Variants in KCNQ1 observed in about 807,000 individuals in gnomAD.
KCNQ1 encodes the protein potassium voltage-gated channel subfamily Q member 1.
In KCNQ1, 49 loss-of-function variants were observed where a neutral mutation model predicts 72.4. The ratio of observed to expected loss-of-function variants is 0.68; its 90% CI spans 0.54 to 0.86. KCNQ1 has a LOEUF of 0.86. KCNQ1 is among the 40% of genes least tolerant of loss of function. The pLI is 0.00. For missense variants in KCNQ1, 790 were observed against 945.1 expected (o/e 0.84, Z 2.15); for synonymous variants, 450 against 412.6 (o/e 1.09, Z -1.10).
rs1486305294 is a variant in KCNQ1 at position 2,497,946 on chromosome 11, G to A, written c.387-29982G>A. Reference sequence around the variant, plus strand: ...AAGCCTGCAGTCCTGCAGGTCTGCTGCAGTTTGCTGGAGGTCCACTCCAGA... The same window carrying A: ...AAGCCTGCAGTCCTGCAGGTCTGCTACAGTTTGCTGGAGGTCCACTCCAGA... On this transcript the variant is annotated intron_variant, in intron 1 of 15. Coordinates refer to ENST00000155840, the MANE Select transcript of KCNQ1 (RefSeq NM_000218.3). This position sits in a 1 kb window ranked among gnomAD's most constrained non-coding sequence, Gnocchi z 4.5. Among the ~76,000 whole-genome samples the A allele has an allele frequency of 6.6e-6, 1 of 152,170 alleles. No individual in the cohort carries two copies. Among genetic ancestry groups the A allele is most frequent in the African/African-American group, 2.4e-5 (1 of 41,444 alleles).
chr11:2,661,256 T>C lies in KCNQ1; in HGVS notation c.1394-705T>C. 2.5e-6 allele frequency: 1 copy of C among 399,142 alleles called. No individual in the cohort carries two copies. The highest frequency in any genetic ancestry group is 4.4e-6 in the Non-Finnish European group (1 of 226,530). The allele number at this position is 399,142 out of a possible 1,614,324, so 24.7% of individuals were successfully genotyped here. Reference sequence around the variant, plus strand: ...CTTAATCCTTTTGCAATAAAATATTTAAATGAAGACAAATATAAGCCAAGA... The same window carrying C: ...CTTAATCCTTTTGCAATAAAATATTCAAATGAAGACAAATATAAGCCAAGA... On this transcript the variant is annotated intron_variant, in intron 10 of 15. Transcript: ENST00000155840. This position sits in a 1 kb window ranked among gnomAD's most constrained non-coding sequence, Gnocchi z 5.9.
chr11:2,572,713 C>A, intron 5 of KCNQ1, 133 bp from the exon 6 acceptor site: 1 of 1,167,080 alleles, frequency 8.6e-7, no homozygotes, highest in Non-Finnish European at 1.2e-6. Flanking sequence ...TGAAGCCGGC[C>A]CTGTGCATGT....
In KCNQ1 at chr11:2,661,485, G is replaced by T; in HGVS notation, c.1394-476G>T. On this transcript the variant is annotated intron_variant, in intron 10 of 15. Transcript: ENST00000155840. This position sits in a 1 kb window ranked among gnomAD's most constrained non-coding sequence, Gnocchi z 5.9. ...GTTCTGTGGCTGCCCCCACCTCCCA[G>T]GCTTGCCATTCCTCATGGGTCAGAG... 4.6e-6 allele frequency: 2 copies of T among 437,334 alleles called. No homozygotes were observed. Among genetic ancestry groups the T allele is most frequent in the Non-Finnish European group, 8.0e-6 (2 of 248,668 alleles). 27.1% of individuals were successfully genotyped at this position (437,334 alleles called of 1,614,324 possible).
intron 10 of KCNQ1, among the ~76,000 whole-genome samples, chr11:2,594,240 A>G (rs1848706718): frequency 6.6e-6 from 1 of 152,164 alleles, no homozygotes; most frequent in African/African-American, 2.4e-5. Flanking sequence ...TTTTGTCTGA[A>G]GACTCTGGAG....
chr11:2,650,728 A>G (rs775347354), intron 10 of KCNQ1: 1 of 398,630 alleles, frequency 2.5e-6, no homozygotes, highest in East Asian at 3.6e-5. Context: ...CTAGAATGCT[A>G]TTGGAATTTG....
chr11:2,532,882 G>A (rs1015350367), intron 2 of KCNQ1, among the ~76,000 whole-genome samples: 2 of 152,204 alleles, frequency 1.3e-5, no homozygotes, highest in African/African-American at 4.8e-5. Flanking sequence ...GACGGTTGGG[G>A]GCGCTTCGGG....
chr11:2,484,280 C>T lies in KCNQ1; in HGVS notation c.386+38796C>T, dbSNP rs187880994. On this transcript the variant is annotated intron_variant, in intron 1 of 15. Transcript: ENST00000155840. The surrounding 1 kb of genome is among the most constrained non-coding windows in gnomAD (Gnocchi z 5.2). Reference sequence around the variant, plus strand: ...CGGGGTTCAAGTGATTCTCCTGCCTCAGCCTCCTGAGTAGCTGGGATTACA... The same window carrying T: ...CGGGGTTCAAGTGATTCTCCTGCCTTAGCCTCCTGAGTAGCTGGGATTACA... 2.8e-3 allele frequency among the ~76,000 whole-genome samples: 430 copies of T among 152,238 alleles called. 3 individuals are homozygous for T. Among genetic ancestry groups the T allele is most frequent in the African/African-American group, 0.01 (419 of 41,530 alleles).
rs1008017809 is a variant in KCNQ1, at chr11:2,661,199, C to T, written c.1394-762C>T. The T allele has an allele frequency of 5.0e-6, 2 of 398,472 alleles. No individual in the cohort carries two copies. The highest frequency in any genetic ancestry group is 8.8e-6 in the Non-Finnish European group (2 of 226,118). 24.7% of individuals were successfully genotyped at this position (398,472 alleles called of 1,614,324 possible). A position where few individuals can be genotyped will look rare whatever the true frequency, so the allele number is the denominator to read the frequency against. On this transcript the variant is annotated intron_variant, in intron 10 of 15. Transcript: ENST00000155840. The surrounding 1 kb of genome is among the most constrained non-coding windows in gnomAD (Gnocchi z 5.9). ...TTGGGGGAGGAAAGCCATTGTGAAT[C>T]TTTGAATTATTCCACTTCTCACAGA...
At chr11:2,485,072 C>G (rs1846719902) in intron 1 of KCNQ1, among the ~76,000 whole-genome samples, 1 of 152,212 alleles carries the variant, frequency 6.6e-6, no homozygotes, top group Admixed American at 6.5e-5. Flanking sequence ...TGTCTTCAGC[C>G]TCACTGCGTC....
chr11:2,662,282 A>G lies in KCNQ1; in HGVS notation c.1514+201A>G, dbSNP rs1178587734. The G allele has an allele frequency of 8.1e-6, 5 of 620,526 alleles. No individual in the cohort carries two copies. The East Asian group carries it at 1.4e-4, about 17-fold the overall frequency. 38.4% of individuals were successfully genotyped at this position (620,526 alleles called of 1,614,324 possible). A position where few individuals can be genotyped will look rare whatever the true frequency, so the allele number is the denominator to read the frequency against. ...AGGGCACTTCCCACTGAGCCTGGGA[A>G]CATGATCCTCTTGTTTTGACTTATG... is the stretch of plus-strand genomic sequence containing the variant. On this transcript the variant is annotated intron_variant, in intron 11 of 15. Transcript: ENST00000155840.
intron 15 of KCNQ1, among the ~76,000 whole-genome samples, chr11:2,842,910 GA>G (rs1848243546): frequency 6.6e-6 from 1 of 152,204 alleles, no homozygotes; most frequent in Admixed American, 6.5e-5. Flanking sequence ...TATAGGCAGG[GA>G]AACTGAGGTT....
rs369413658 is a variant in KCNQ1 at position 2,813,724 on chromosome 11, G to C, written c.1795-34043G>C. Among the ~76,000 whole-genome samples, 1 of 152,132 alleles carries C rather than the reference G, an allele frequency of 6.6e-6. No individual in the cohort carries two copies. Reference sequence around the variant, plus strand: ...TGCGTCATCAGTGCCTTTTGATCTTGTTGCCGCAAGATACACAGGAGGCAG... The same window carrying C: ...TGCGTCATCAGTGCCTTTTGATCTTCTTGCCGCAAGATACACAGGAGGCAG... On this transcript the variant is annotated intron_variant, in intron 15 of 15. Transcript: ENST00000155840. The surrounding 1 kb of genome is among the most constrained non-coding windows in gnomAD (Gnocchi z 4.4).
At chr11:2,615,287 T>A (rs1260233419) in intron 10 of KCNQ1, 2 of 398,010 alleles carry the variant, frequency 5.0e-6, no homozygotes, top group Admixed American at 8.8e-5. Context: ...GTTTATTAGC[T>A]CTACTAGTTT....
intron 6 of KCNQ1, among the ~76,000 whole-genome samples, chr11:2,574,839 C>T (rs1848397502): frequency 6.6e-6 from 1 of 152,210 alleles, no homozygotes; most frequent in Non-Finnish European, 1.5e-5. Context: ...CTTTCGGCCT[C>T]TTCCCGCCTT....
In KCNQ1 at chr11:2,698,598, G is replaced by A. The variant is rs191449802; in HGVS notation, c.1514+36517G>A. On this transcript the variant is annotated intron_variant, in intron 11 of 15. Transcript: ENST00000155840. The surrounding 1 kb of genome is among the most constrained non-coding windows in gnomAD (Gnocchi z 5.1). ...AATCCCCACCTAGAGGCAGAACTTC[G>A]ACTTCAATTCCTGACTCCCATACCC... The A allele has an allele frequency of 2.3e-5, 9 of 397,344 alleles. No individual in the cohort carries two copies. The East Asian group carries it at 3.2e-4, about 14-fold the overall frequency. 24.6% of individuals were successfully genotyped at this position (397,344 alleles called of 1,614,324 possible). A position where few individuals can be genotyped will look rare whatever the true frequency, so the allele number is the denominator to read the frequency against.
chr11:2,825,308 G>A (rs1010930159), intron 15 of KCNQ1, among the ~76,000 whole-genome samples: 2 of 152,216 alleles, frequency 1.3e-5, no homozygotes, highest in African/African-American at 4.8e-5. Flanking sequence ...CCAATGGGAG[G>A]CCAAGGGAGG....
At position 2,451,528 on chromosome 11, in the gene KCNQ1, G is replaced by C. The variant is rs182626435; in HGVS notation, c.386+6044G>C. Among the ~76,000 whole-genome samples, 189 of 152,340 alleles carry C rather than the reference G, an allele frequency of 1.2e-3. 1 individual carries two copies. Among genetic ancestry groups the C allele is most frequent in the Middle Eastern group, 6.8e-3 (2 of 294 alleles). On this transcript the variant is annotated intron_variant, in intron 1 of 15. Coordinates refer to ENST00000155840, the MANE Select transcript of KCNQ1 (RefSeq NM_000218.3). The surrounding 1 kb of genome is among the most constrained non-coding windows in gnomAD (Gnocchi z 6.4). ...CTTGGAGGGTTCTGAGCACTGGAAG[G>C]ACCTGGCTGTGGTCCCAGGCACTGG... is the stretch of plus-strand genomic sequence containing the variant.
At chr11:2,590,654 T>A (rs1279407718) in intron 10 of KCNQ1, among the ~76,000 whole-genome samples, 1 of 152,244 alleles carries the variant, frequency 6.6e-6, no homozygotes, top group Non-Finnish European at 1.5e-5. Context: ...TTGTCTCTGC[T>A]GACCCGGTTT....
At chr11:2,749,123 C>T (rs1385793472) in intron 11 of KCNQ1, among the ~76,000 whole-genome samples, 11 of 152,232 alleles carry the variant, frequency 7.2e-5, no homozygotes, top group Non-Finnish European at 1.0e-4. Flanking sequence ...GAAGGAGGCT[C>T]AGGCCAGGCC....
Sources: allele counts gnomAD v4.1 joint callset (sites outside exome capture counted in the v4.1 genomes callset), GRCh38; gene constraint gnomAD v4.1.1; non-coding constraint Gnocchi (gnomAD v3.1); transcripts MANE v1.5; gene names NCBI Gene and HGNC (gene_info 2026-07-23, HGNC 2026-07-21).